STK32C: variants seen among roughly 807,000 people sequenced by gnomAD.
STK32C encodes serine/threonine-protein kinase 32C.
A neutral mutation model predicts 56.5 loss-of-function variants in STK32C; 31 were observed. The ratio of observed to expected loss-of-function variants is 0.55; its 90% confidence interval spans 0.41 to 0.74. STK32C has a LOEUF of 0.74. STK32C is among the 30% of genes least tolerant of loss of function. The probability of loss-of-function intolerance (pLI) is 0.00; values close to 1 mark genes in which losing one functional copy is unlikely to be tolerated. For missense variants in STK32C, 544 were observed against 676.9 expected, an observed-to-expected ratio of 0.80 and a Z score of 2.18; for synonymous variants, 309 against 289.4, an observed-to-expected ratio of 1.07 and a Z score of -0.69.
intron 2 of STK32C, among the ~76,000 whole-genome samples, chr10:132,240,080 A>G (rs2063448575): frequency 1.3e-5 from 2 of 149,572 alleles, no homozygotes; most frequent in South Asian, 2.1e-4. Flanking sequence ...GGCCCCCCCC[A>G]AAGAAGACCC....
chr10:132,310,358 C>T (rs986693159), upstream of STK32C, among the ~76,000 whole-genome samples: 5 of 152,242 alleles, frequency 3.3e-5, no homozygotes, highest in Non-Finnish European at 7.3e-5. This position sits in a 1 kb window ranked among gnomAD's most constrained non-coding sequence, Gnocchi z 4.6. Flanking sequence ...CAGGGCACAA[C>T]TCTTGTACTG....
chr10:132,240,905 A>C (rs1490104621), intron 2 of STK32C, among the ~76,000 whole-genome samples: 1 of 151,884 alleles, frequency 6.6e-6, no homozygotes, highest in Non-Finnish European at 1.5e-5. Flanking sequence ...GAACCCCCAA[A>C]GGGGCACCAC....
exon 1 of STK32C, chr10:132,331,810 A>T (rs11146335): frequency 6.3e-7 from 1 of 1,583,114 alleles, no homozygotes. Flanking sequence ...TTGCCCGTCG[A>T]CCACCACCCC....
chr10:132,253,769 C>T (rs915448337), intron 1 of STK32C, among the ~76,000 whole-genome samples: 4 of 152,340 alleles, frequency 2.6e-5, no homozygotes, highest in African/African-American at 9.6e-5. Context: ...AAGACGTCAC[C>T]TCTGGCATGG....
chr10:132,243,819 G>A (rs977177747), intron 2 of STK32C, among the ~76,000 whole-genome samples: 5 of 152,150 alleles, frequency 3.3e-5, no homozygotes, highest in Non-Finnish European at 5.9e-5. Context: ...ATGCTGCGCC[G>A]CCCTGAACGG....
At chr10:132,323,035 C>T (rs1250882603), downstream of STK32C, among the ~76,000 whole-genome samples, 1 of 152,100 alleles carries the variant, frequency 6.6e-6, no homozygotes, top group Non-Finnish European at 1.5e-5. This position sits in a 1 kb window ranked among gnomAD's most constrained non-coding sequence, Gnocchi z 4.8. Flanking sequence ...GATGTCTCTT[C>T]CCTGGTCTAA....
chr10:132,210,351 G>C (rs1345291874), intron 10 of STK32C, among the ~76,000 whole-genome samples: 1 of 152,250 alleles, frequency 6.6e-6, no homozygotes, highest in East Asian at 1.9e-4. Context: ...CCGCCTCCCA[G>C]GTTCAAGTGA....
At chr10:132,226,220 G>A (rs1565078910) in intron 4 of STK32C, among the ~76,000 whole-genome samples, 1 of 152,242 alleles carries the variant, frequency 6.6e-6, no homozygotes, top group Admixed American at 6.5e-5. Flanking sequence ...CCCAAGAGCA[G>A]AAATGCAAAC....
intron 1 of STK32C, among the ~76,000 whole-genome samples, chr10:132,316,354 T>G (rs1456888969): frequency 6.6e-6 from 1 of 152,150 alleles, no homozygotes; most frequent in Non-Finnish European, 1.5e-5. Flanking sequence ...GACTCATACT[T>G]GTCACCCGAG....
rs551334516 is a variant in STK32C at position 132,290,887 on chromosome 10, G to C, written c.262+16685C>G. Among the ~76,000 whole-genome samples, 3 of 152,000 alleles carry C rather than the reference G, an allele frequency of 2.0e-5. No homozygotes were observed. In the South Asian group the frequency reaches 6.3e-4, roughly 32 times the overall value. On this transcript the variant is annotated intron_variant, in intron 1 of 11. Transcript: ENST00000298630. ...ACCAAGCCCAGGGCCACCATGTCCA[G>C]GGATACCCATCCAGACCCACCACAC... is the stretch of plus-strand genomic sequence containing the variant.
intron 6 of STK32C, 75 bp from the exon 7 acceptor site, chr10:132,225,411 T>A: frequency 6.3e-7 from 1 of 1,583,274 alleles, no homozygotes; most frequent in Non-Finnish European, 8.6e-7. Context: ...GCCGGCACCT[T>A]GAGGCCACAT....
upstream of STK32C, chr10:132,331,846 G>T (rs750554970): frequency 2.0e-6 from 3 of 1,473,934 alleles, no homozygotes; most frequent in Admixed American, 3.9e-5. Flanking sequence ...GCGGAAAAAC[G>T]GATGCTACCG....
chr10:132,248,159 G>A (rs1032983129), intron 1 of STK32C, among the ~76,000 whole-genome samples: 2 of 152,256 alleles, frequency 1.3e-5, no homozygotes, highest in Non-Finnish European at 2.9e-5. Context: ...GGCCGCGGCC[G>A]CACAGGCAGG....
rs776051721 is a variant in STK32C, at chr10:132,268,323, C to T, written c.263-22368G>A. The stretch of plus-strand genomic sequence containing the variant: ...TGTCTCTCACATTGTGTATGTGTGT[C>T]GGTGTGTGTGCATGCATGTGTATGC... On this transcript the variant is annotated intron_variant, in intron 1 of 11. Coordinates refer to ENST00000298630, the MANE Select transcript of STK32C (RefSeq NM_173575.4). 1.2e-3 allele frequency among the ~76,000 whole-genome samples: 157 copies of T among 127,388 alleles called. 1 individual carries two copies. The highest frequency in any genetic ancestry group is 2.1e-3 in the Non-Finnish European group (131 of 61,722). 83.6% of individuals were successfully genotyped at this position (127,388 alleles called of 152,430 possible). A position where few individuals can be genotyped will look rare whatever the true frequency, so the allele number is the denominator to read the frequency against.
chr10:132,232,358 G>A (rs1297052578), intron 2 of STK32C, among the ~76,000 whole-genome samples: 1 of 152,204 alleles, frequency 6.6e-6, no homozygotes, highest in Non-Finnish European at 1.5e-5. Flanking sequence ...CAGAGAAGAG[G>A]GCGGGTCCGG....
At chr10:132,272,733 A>G (rs1194522300) in intron 1 of STK32C, among the ~76,000 whole-genome samples, 1 of 152,202 alleles carries the variant, frequency 6.6e-6, no homozygotes, top group African/African-American at 2.4e-5. Context: ...ACAAAGCTGC[A>G]GGCGTCGTCC....
intron 1 of STK32C, among the ~76,000 whole-genome samples, chr10:132,301,715 G>A (rs1466925644): frequency 6.6e-6 from 1 of 152,238 alleles, no homozygotes; most frequent in Non-Finnish European, 1.5e-5. Context: ...GGAGCTGCAC[G>A]TCGGCCACGT....
At position 132,224,542 on chromosome 10, in the gene STK32C, T is replaced by A; in HGVS notation, c.877-19A>T. 1 of 1,576,366 alleles carries A rather than the reference T, an allele frequency of 6.3e-7. No homozygotes were observed. Among genetic ancestry groups the A allele is most frequent in the Non-Finnish European group, 8.6e-7 (1 of 1,158,620 alleles). Reference sequence around the variant, plus strand: ...AGGGCCTCTGGAGACAGGGAGGCAGTGCTGGGCAGGTCCTCCTGGCCCCCA... The same window carrying A: ...AGGGCCTCTGGAGACAGGGAGGCAGAGCTGGGCAGGTCCTCCTGGCCCCCA... On this transcript the variant is annotated intron_variant, in intron 7 of 11. Transcript: ENST00000298630.
At chr10:132,240,573 G>A (rs950074191) in intron 2 of STK32C, among the ~76,000 whole-genome samples, 6 of 152,182 alleles carry the variant, frequency 3.9e-5, no homozygotes, top group African/African-American at 9.7e-5. Flanking sequence ...TCTGAGATGT[G>A]GGGTCACTGC....
Sources: gnomAD v4.1 joint callset for allele counts (sites outside exome capture counted in the v4.1 genomes callset) on GRCh38, gnomAD v4.1.1 for gene constraint, Gnocchi (gnomAD v3.1) non-coding constraint, MANE v1.5 for transcripts, NCBI Gene and HGNC (gene_info 2026-07-23, HGNC 2026-07-21) for gene names.